The following LOC400499 variants were observed in gnomAD, a reference collection of about 807,000 sequenced individuals.
chr16:11,390,611 C>A, the LOC400499 span: 1 of 593,056 alleles, frequency 1.7e-6, no homozygotes, highest in Non-Finnish European at 2.5e-6. Context: ...AGCAGTGGCA[C>A]TGGAGATTGC....
chr16:11,524,934 A>T, the LOC400499 span, among the ~76,000 whole-genome samples: 1 of 151,380 alleles, frequency 6.6e-6, no homozygotes, highest in Non-Finnish European at 1.5e-5. Flanking sequence ...CCTCAAAACC[A>T]CCCCGCTGCA....
chr16:11,498,719 CAT>C, the LOC400499 span, among the ~76,000 whole-genome samples: 1 of 150,840 alleles, frequency 6.6e-6, no homozygotes, highest in African/African-American at 2.4e-5. Context: ...CTGGCCTGCA[CAT>C]GGAACATCAC....
chr16:11,406,727 C>A, the LOC400499 span, among the ~76,000 whole-genome samples: 1 of 152,234 alleles, frequency 6.6e-6, no homozygotes, highest in African/African-American at 2.4e-5. Context: ...CCACCGTGCC[C>A]GGCCTTCCCC....
chr16:11,375,757 T>G, the LOC400499 span, among the ~76,000 whole-genome samples: 3 of 130,712 alleles, frequency 2.3e-5, no homozygotes, highest in Non-Finnish European at 4.9e-5. Flanking sequence ...TGAGATGGAG[T>G]TCGCTCTTGT....
chr16:11,460,881 C>T, the LOC400499 span: 1,089,118 of 1,429,322 alleles, frequency 0.76, 420,614 homozygotes, highest in Admixed American at 0.82. Context: ...CAGCGTATCT[C>T]AGCTCACGGA....
At chr16:11,506,738 T>C in the LOC400499 span, among the ~76,000 whole-genome samples, 5 of 152,226 alleles carry the variant, frequency 3.3e-5, no homozygotes, top group Admixed American at 1.3e-4. Flanking sequence ...TATTGAGCGC[T>C]GAGTCCTGGT....
At chr16:11,488,028 A>G in the LOC400499 span, among the ~76,000 whole-genome samples, 1 of 151,970 alleles carries the variant, frequency 6.6e-6, no homozygotes, top group African/African-American at 2.4e-5. Context: ...GAGGTAGAAG[A>G]ATCACTTGAA....
chr16:11,465,618 A>G, the LOC400499 span: 42 of 152,066 alleles, frequency 2.8e-4, no homozygotes, highest in African/African-American at 9.9e-4. Context: ...AAAAGAAAAA[A>G]AGAAAAATAG....
the LOC400499 span, chr16:11,383,938 C>T: frequency 4.9e-6 from 6 of 1,231,946 alleles, no homozygotes; most frequent in South Asian, 8.2e-5. Context: ...GAAGGCCCAG[C>T]AGGCGGGGAG....
the LOC400499 span, among the ~76,000 whole-genome samples, chr16:11,380,668 G>A: frequency 5.3e-5 from 8 of 151,942 alleles, no homozygotes; most frequent in South Asian, 1.7e-3. Flanking sequence ...ATACTTGTCT[G>A]GTGTCCAAGA....
chr16:11,492,892 G>A, the LOC400499 span, among the ~76,000 whole-genome samples: 2 of 152,190 alleles, frequency 1.3e-5, no homozygotes, highest in African/African-American at 4.8e-5. Context: ...AGGTGAAATT[G>A]TCAAGGGAGA....
At chr16:11,486,891 G>A in the LOC400499 span, among the ~76,000 whole-genome samples, 1 of 109,584 alleles carries the variant, frequency 9.1e-6, no homozygotes, top group Non-Finnish European at 1.9e-5. Context: ...GGGGTGGGGG[G>A]CTGGATGAAT....
At chr16:11,384,171 CAAG>C in the LOC400499 span, 2 of 1,219,922 alleles carry the variant, frequency 1.6e-6, no homozygotes, top group Non-Finnish European at 2.0e-6. Context: ...GAGCAGCCCT[CAAG>C]AACCTCAGCT....
chr16:11,524,610 C>T, the LOC400499 span, among the ~76,000 whole-genome samples: 2 of 152,256 alleles, frequency 1.3e-5, no homozygotes, highest in East Asian at 3.9e-4. Context: ...CTCCCTTCTC[C>T]CACCATCGAA....
chr16:11,437,610 G>T, the LOC400499 span, among the ~76,000 whole-genome samples: 1 of 152,150 alleles, frequency 6.6e-6, no homozygotes, highest in African/African-American at 2.4e-5. Context: ...GCTCACACCA[G>T]TAATCCCAGA....
At chr16:11,397,620 T>G in the LOC400499 span, among the ~76,000 whole-genome samples, 1 of 152,132 alleles carries the variant, frequency 6.6e-6, no homozygotes, top group Non-Finnish European at 1.5e-5. Flanking sequence ...ATTTACATAT[T>G]GTCTATAGCT....
chr16:11,386,719 G>C, the LOC400499 span, among the ~76,000 whole-genome samples: 1 of 152,208 alleles, frequency 6.6e-6, no homozygotes, highest in African/African-American at 2.4e-5. Flanking sequence ...TCCCACAGAG[G>C]TTAGACTTGA....
At chr16:11,450,184 T>A in the LOC400499 span, among the ~76,000 whole-genome samples, 1 of 152,238 alleles carries the variant, frequency 6.6e-6, no homozygotes, top group African/African-American at 2.4e-5. Flanking sequence ...ATGACACTCA[T>A]GGCTTTTCTC....
the LOC400499 span, chr16:11,514,343 G>C: frequency 2.3e-5 from 9 of 399,268 alleles, no homozygotes; most frequent in East Asian, 3.2e-4. Flanking sequence ...TGGCCACCAG[G>C]GAAGGCTGAG....
Sources: gnomAD v4.1 joint callset for allele counts (sites outside exome capture counted in the v4.1 genomes callset) on GRCh38, gnomAD v4.1.1 for gene constraint, MANE v1.5 for transcripts.